The following ZNF385B variants were observed in gnomAD, a reference collection of about 807,000 sequenced individuals.
ZNF385B encodes the protein zinc finger protein 533.
A neutral mutation model predicts 39.2 loss-of-function variants in ZNF385B; 23 were observed. That is an observed-to-expected ratio of 0.59 (90% CI 0.42 to 0.83). The LOEUF is 0.83. Among genes scored for constraint, ZNF385B ranks in the 40% least tolerant of loss-of-function variants. ZNF385B has a pLI of 0.00. For synonymous variants in ZNF385B, 205 were observed against 222.6 expected (o/e 0.92, Z 0.70); for missense variants, 552 against 598.9 (o/e 0.92, Z 0.82).
intron 3 of ZNF385B, among the ~76,000 whole-genome samples, chr2:179,709,911 T>C (rs1263745150): frequency 6.6e-6 from 1 of 152,126 alleles, no homozygotes; most frequent in Non-Finnish European, 1.5e-5. Flanking sequence ...AAAAGTACCA[T>C]AGTAGGACTA....
intron 1 of ZNF385B, among the ~76,000 whole-genome samples, chr2:179,796,010 G>A (rs1705639822): frequency 6.6e-6 from 1 of 152,066 alleles, no homozygotes; most frequent in Non-Finnish European, 1.5e-5. Context: ...AAACTATGGA[G>A]GGTTTAACTT....
At chr2:179,778,275 A>G (rs953373285) in intron 1 of ZNF385B, among the ~76,000 whole-genome samples, 2 of 152,218 alleles carry the variant, frequency 1.3e-5, no homozygotes, top group Admixed American at 6.5e-5. Flanking sequence ...CAAGACAGCA[A>G]ACTGCAAAAC....
At chr2:179,777,926 C>A (rs189624376) in intron 1 of ZNF385B, among the ~76,000 whole-genome samples, 519 of 152,158 alleles carry the variant, frequency 3.4e-3, no homozygotes, top group South Asian at 7.5e-3. Context: ...GCATGTGCCA[C>A]CATGCCCGGC....
chr2:179,454,273 A>G (rs1574213349), intron 6 of ZNF385B, among the ~76,000 whole-genome samples: 1 of 152,154 alleles, frequency 6.6e-6, no homozygotes, highest in Non-Finnish European at 1.5e-5. Flanking sequence ...AAAAATTCCT[A>G]TTGCCTAGAG....
intron 3 of ZNF385B, among the ~76,000 whole-genome samples, chr2:179,579,269 A>C (rs1686207039): frequency 1.3e-5 from 2 of 152,130 alleles, no homozygotes; most frequent in African/African-American, 4.8e-5. Flanking sequence ...TTGTTTCCTT[A>C]ATATTTCTTT....
At chr2:179,806,674 A>G (rs2106560745) in intron 1 of ZNF385B, among the ~76,000 whole-genome samples, 1 of 152,298 alleles carries the variant, frequency 6.6e-6, no homozygotes, top group Non-Finnish European at 1.5e-5. Context: ...AAAACCCCAC[A>G]ATGTTGGTAT....
intron 3 of ZNF385B, among the ~76,000 whole-genome samples, chr2:179,640,925 G>A (rs770883434): frequency 2.6e-5 from 4 of 152,052 alleles, no homozygotes; most frequent in Non-Finnish European, 4.4e-5. Context: ...TCTTTTCTCC[G>A]ATTTCCAGTT....
rs185941603 is a variant in ZNF385B, at chr2:179,807,408, G to A, written c.-154-36736C>T. Among the ~76,000 whole-genome samples the A allele has an allele frequency of 1.8e-3, 273 of 151,920 alleles. 1 individual carries two copies. The highest frequency in any genetic ancestry group is 6.4e-3 in the African/African-American group (265 of 41,402). On this transcript the variant is annotated intron_variant, in intron 1 of 9. Coordinates refer to ENST00000410066, the MANE Select transcript of ZNF385B (RefSeq NM_152520.6). The stretch of plus-strand genomic sequence containing the variant: ...AGGTCAAGAGTTCGAGACCAGCCTG[G>A]CCAACATGGTGAAACACCATCTCTA...
At chr2:179,693,791 C>A (rs1418480433) in intron 3 of ZNF385B, among the ~76,000 whole-genome samples, 1 of 152,106 alleles carries the variant, frequency 6.6e-6, no homozygotes, top group African/African-American at 2.4e-5. Flanking sequence ...TCCTTCAGCC[C>A]CAGGGGACAA....
chr2:179,688,773 C>T (rs957506394), intron 3 of ZNF385B, among the ~76,000 whole-genome samples: 2 of 152,082 alleles, frequency 1.3e-5, no homozygotes, highest in African/African-American at 2.4e-5. Context: ...GAATGTACTC[C>T]TCCTCTGTAA....
intron 3 of ZNF385B, among the ~76,000 whole-genome samples, chr2:179,585,638 A>G (rs142488865): frequency 1.5e-3 from 226 of 152,358 alleles, no homozygotes; most frequent in African/African-American, 5.1e-3. Context: ...GAGAGGTTTC[A>G]GTATGTAATC....
chr2:179,756,980 G>A (rs1157911691), intron 3 of ZNF385B, among the ~76,000 whole-genome samples: 1 of 152,178 alleles, frequency 6.6e-6, no homozygotes, highest in African/African-American at 2.4e-5. Context: ...GTCATTCTCT[G>A]TCCAGCTTTG....
intron 3 of ZNF385B, among the ~76,000 whole-genome samples, chr2:179,583,779 G>A (rs1213940290): frequency 6.6e-6 from 1 of 152,150 alleles, no homozygotes; most frequent in East Asian, 1.9e-4. Context: ...CACATCCATA[G>A]TTTCAGTCTT....
At chr2:179,558,351 G>A (rs2061092935) in intron 3 of ZNF385B, among the ~76,000 whole-genome samples, 1 of 152,122 alleles carries the variant, frequency 6.6e-6, no homozygotes, top group Admixed American at 6.6e-5. Context: ...TGCTTTCAAT[G>A]TCTAGGCTGT....
chr2:179,494,172 G>A (rs2055897596), intron 5 of ZNF385B, among the ~76,000 whole-genome samples: 1 of 152,046 alleles, frequency 6.6e-6, no homozygotes, highest in Non-Finnish European at 1.5e-5. Context: ...ATGAAGTAAG[G>A]GAGTTAACCA....
chr2:179,551,799 T>A (rs2105928193), intron 3 of ZNF385B, among the ~76,000 whole-genome samples: 1 of 152,176 alleles, frequency 6.6e-6, no homozygotes, highest in African/African-American at 2.4e-5. Context: ...CAATTTGTCC[T>A]TGAATTCCTT....
intron 3 of ZNF385B, among the ~76,000 whole-genome samples, chr2:179,730,578 T>A (rs926632397): frequency 9.2e-5 from 14 of 152,214 alleles, no homozygotes; most frequent in African/African-American, 3.1e-4. Context: ...AGTAAATGTA[T>A]GAGAAAATGC....
chr2:179,777,598 G>A (rs2106517847), intron 1 of ZNF385B, among the ~76,000 whole-genome samples: 1 of 151,830 alleles, frequency 6.6e-6, no homozygotes, highest in East Asian at 1.9e-4. Flanking sequence ...TTTCATGATG[G>A]CATTAACTTT....
chr2:179,490,597 T>A, intron 5 of ZNF385B, among the ~76,000 whole-genome samples: 1 of 148,764 alleles, frequency 6.7e-6, no homozygotes. Context: ...CAGTTTGAGT[T>A]AAAAATCAGC....
Sources: allele counts gnomAD v4.1 joint callset (sites outside exome capture counted in the v4.1 genomes callset), GRCh38; gene constraint gnomAD v4.1.1; transcripts MANE v1.5; gene names NCBI Gene and HGNC (gene_info 2026-07-23, HGNC 2026-07-21).